Variants in GRIA1 observed in about 807,000 individuals in gnomAD.
GRIA1 encodes glutamate ionotropic receptor AMPA type subunit 1.
Under a neutral mutation model 99.2 loss-of-function variants are expected in GRIA1, and 31 were observed. That is an observed-to-expected ratio of 0.31 (90% confidence interval 0.23 to 0.42). The LOEUF (loss-of-function observed/expected upper bound fraction) is 0.42, where lower values mean the gene tolerates loss of function less well. Among genes scored for constraint, GRIA1 ranks in the 10% least tolerant of loss-of-function variants. The probability of loss-of-function intolerance (pLI) is 1.00; values close to 1 mark genes in which losing one functional copy is unlikely to be tolerated. For missense variants in GRIA1, 782 were observed against 1,157.5 expected (o/e 0.68, Z 4.71); for synonymous variants, 438 against 432.4 (o/e 1.01, Z -0.16).
intron 2 of GRIA1, among the ~76,000 whole-genome samples, chr5:153,578,138 G>C (rs1354466329): frequency 1.1e-5 from 1 of 93,950 alleles, no homozygotes; most frequent in African/African-American, 4.3e-5. Flanking sequence ...GCAGCAGAGA[G>C]AGACTCTGTC....
chr5:153,563,200 C>A (rs1439204255), intron 2 of GRIA1, among the ~76,000 whole-genome samples: 4 of 150,992 alleles, frequency 2.6e-5, no homozygotes, highest in African/African-American at 9.7e-5. Context: ...AACCTTCTTG[C>A]TTTTGTTGCT....
At chr5:153,751,978 A>G (rs1457157779) in intron 11 of GRIA1, among the ~76,000 whole-genome samples, 1 of 152,178 alleles carries the variant, frequency 6.6e-6, no homozygotes, top group Non-Finnish European at 1.5e-5. Flanking sequence ...ACTTAATGCT[A>G]TCACTTGGAT....
chr5:153,679,954 A>G (rs1756856957), intron 7 of GRIA1, among the ~76,000 whole-genome samples: 1 of 152,230 alleles, frequency 6.6e-6, no homozygotes, highest in Admixed American at 6.5e-5. Flanking sequence ...CACATATTAT[A>G]TCATTGGATC....
At chr5:153,762,659 C>A (rs1047208425) in intron 11 of GRIA1, among the ~76,000 whole-genome samples, 9 of 152,092 alleles carry the variant, frequency 5.9e-5, no homozygotes, top group African/African-American at 1.9e-4. Flanking sequence ...CCATGTGAAC[C>A]TTGACCCCTT....
chr5:153,514,014 C>T (rs1355564956), intron 2 of GRIA1, among the ~76,000 whole-genome samples: 2 of 152,194 alleles, frequency 1.3e-5, no homozygotes, highest in African/African-American at 4.8e-5. Context: ...CCTGCTGCAA[C>T]ACACCTCTAA....
intron 1 of GRIA1, among the ~76,000 whole-genome samples, chr5:153,493,358 G>C (rs1754100387): frequency 6.6e-6 from 1 of 152,134 alleles, no homozygotes; most frequent in East Asian, 1.9e-4. Flanking sequence ...AAACCTTAGG[G>C]GCAATAGAAT....
At chr5:153,792,534 ATTCCCTT>A (rs1215019497) in intron 13 of GRIA1, among the ~76,000 whole-genome samples, 5 of 152,140 alleles carry the variant, frequency 3.3e-5, no homozygotes, top group African/African-American at 1.2e-4. Flanking sequence ...TTCTACATAC[ATTCCCTT>A]AAAACAGAGA....
At chr5:153,542,969 G>A (rs1759266373) in intron 2 of GRIA1, among the ~76,000 whole-genome samples, 1 of 152,204 alleles carries the variant, frequency 6.6e-6, no homozygotes, top group Non-Finnish European at 1.5e-5. Flanking sequence ...CTGTCATCTA[G>A]CTATCTGATA....
At chr5:153,604,249 C>G (rs1765259597) in intron 2 of GRIA1, among the ~76,000 whole-genome samples, 1 of 152,150 alleles carries the variant, frequency 6.6e-6, no homozygotes, top group Admixed American at 6.5e-5. Flanking sequence ...TTGCCAAGCT[C>G]TTGCCTCAGA....
chr5:153,568,324 C>T (rs1195398952), intron 2 of GRIA1, among the ~76,000 whole-genome samples: 1 of 152,220 alleles, frequency 6.6e-6, no homozygotes, highest in Non-Finnish European at 1.5e-5. Flanking sequence ...CCAGCAGCAT[C>T]AGCATCACCT....
At chr5:153,712,105 G>A (rs1243430774) in intron 11 of GRIA1, among the ~76,000 whole-genome samples, 1 of 152,134 alleles carries the variant, frequency 6.6e-6, no homozygotes, top group Non-Finnish European at 1.5e-5. Context: ...GAGCTGGAGT[G>A]CAATGGCATG....
chr5:153,775,233 G>A (rs1010387257), intron 13 of GRIA1, among the ~76,000 whole-genome samples: 2 of 152,194 alleles, frequency 1.3e-5, no homozygotes, highest in African/African-American at 2.4e-5. Context: ...CTTAGCCCAC[G>A]TTTTATCAAC....
intron 11 of GRIA1, among the ~76,000 whole-genome samples, chr5:153,763,431 G>A (rs1763311449): frequency 6.6e-6 from 1 of 152,200 alleles, no homozygotes; most frequent in Admixed American, 6.5e-5. Context: ...GCTTGAGGCT[G>A]TCAGAGCACT....
At chr5:153,662,195 C>T (rs1196278848) in intron 5 of GRIA1, among the ~76,000 whole-genome samples, 3 of 152,160 alleles carry the variant, frequency 2.0e-5, no homozygotes, top group Non-Finnish European at 4.4e-5. Context: ...ACCCCTGTTC[C>T]CCCAGTGCCT....
chr5:153,763,437 G>A (rs532341549), intron 11 of GRIA1, among the ~76,000 whole-genome samples: 17 of 152,300 alleles, frequency 1.1e-4, no homozygotes, highest in Admixed American at 5.9e-4. Flanking sequence ...GGCTGTCAGA[G>A]CACTTGTCAG....
chr5:153,688,344 T>C (rs1304120675), intron 8 of GRIA1, among the ~76,000 whole-genome samples: 1 of 152,196 alleles, frequency 6.6e-6, no homozygotes, highest in African/African-American at 2.4e-5. Flanking sequence ...CAAAAACCCT[T>C]GAGAATGACA....
At position 153,500,616 on chromosome 5, in the gene GRIA1, C is replaced by T. The variant is rs1273768162; in HGVS notation, c.220+6551C>T. ...TCTCTCTCCCCCTCTTACATACACA[C>T]ACACACACACACACACACACACACA... On this transcript the variant is annotated intron_variant, in intron 2 of 15. Coordinates refer to ENST00000285900, the MANE Select transcript of GRIA1 (RefSeq NM_000827.4). 8.7e-5 allele frequency among the ~76,000 whole-genome samples: 6 copies of T among 68,796 alleles called. No homozygotes were observed. In the South Asian group the frequency reaches 1.2e-3, roughly 13 times the overall value. 45.1% of individuals were successfully genotyped at this position (68,796 alleles called of 152,430 possible).
At chr5:153,648,766 C>T (rs1754332393) in intron 3 of GRIA1, among the ~76,000 whole-genome samples, 1 of 151,930 alleles carries the variant, frequency 6.6e-6, no homozygotes. Context: ...TACTGAAAGT[C>T]AGAAATGACA....
chr5:153,721,535 G>A (rs543366438), intron 11 of GRIA1, among the ~76,000 whole-genome samples: 2 of 152,284 alleles, frequency 1.3e-5, no homozygotes, highest in African/African-American at 2.4e-5. Flanking sequence ...CCCATGACAG[G>A]AGTAGCCGCT....
Sources: allele counts gnomAD v4.1 joint callset (sites outside exome capture counted in the v4.1 genomes callset), GRCh38; gene constraint gnomAD v4.1.1; transcripts MANE v1.5; gene names NCBI Gene and HGNC (gene_info 2026-07-23, HGNC 2026-07-21).